The following UAP1 variants were observed in gnomAD, a reference collection of about 807,000 sequenced individuals.
The protein encoded by UAP1 is UDP-N-acetylhexosamine pyrophosphorylase.
In UAP1, 25 loss-of-function variants were observed where a neutral mutation model predicts 58.5. That is an observed-to-expected ratio of 0.43 (90% CI 0.31 to 0.60). UAP1 has a LOEUF of 0.60. Ranked by LOEUF, UAP1 falls within the 20% of genes least tolerant of loss-of-function variation. The pLI is 0.11. For missense variants in UAP1, 575 were observed against 630.0 expected, an observed-to-expected ratio of 0.91 and a Z score of 0.93; for synonymous variants, 208 against 213.0, an observed-to-expected ratio of 0.98 and a Z score of 0.21.
chr1:162,598,867 T>C (rs1378505081), intron 10 of UAP1, among the ~76,000 whole-genome samples: 1 of 152,022 alleles, frequency 6.6e-6, no homozygotes, highest in African/African-American at 2.4e-5. Context: ...ATACAAAAAC[T>C]TAGACGGGTG....
chr1:162,581,487 C>A, intron 5 of UAP1, 28 bp downstream of exon 5: 1 of 1,600,992 alleles, frequency 6.2e-7, no homozygotes, highest in South Asian at 1.1e-5. Context: ...TATGGTGAGG[C>A]TTTTGATGGT....
At chr1:162,595,565 C>T (rs1480646628) in intron 9 of UAP1, among the ~76,000 whole-genome samples, 2 of 152,120 alleles carry the variant, frequency 1.3e-5, no homozygotes, top group Non-Finnish European at 2.9e-5. Context: ...CTTTTCCCTT[C>T]ATTAGTTTGT....
rs149085786 is a variant in UAP1, at chr1:162,575,996, A to G, written c.281-781A>G. Among the ~76,000 whole-genome samples the G allele has an allele frequency of 4.7e-3, 710 of 152,154 alleles. 4 individuals carry two copies. Among genetic ancestry groups the G allele is most frequent in the African/African-American group, 0.016 (666 of 41,514 alleles). Reference sequence around the variant, plus strand: ...CAATTTTATGTTTTAACAAATGTATACTCACGTAGCTACCATCCCAATCAA... The same window carrying G: ...CAATTTTATGTTTTAACAAATGTATGCTCACGTAGCTACCATCCCAATCAA... On this transcript the variant is annotated intron_variant, in intron 2 of 10. Transcript: ENST00000271469.
intron 7 of UAP1, among the ~76,000 whole-genome samples, chr1:162,589,221 T>TA (rs1344270858): frequency 5.2e-4 from 61 of 116,280 alleles, no homozygotes; most frequent in South Asian, 2.6e-3. Context: ...ATATATAATA[T>TA]TTATATATTA....
rs1200744741 is a variant in UAP1 at position 162,597,720 on chromosome 1, T to G, written c.1410-72T>G. 3.2e-6 allele frequency: 4 copies of G among 1,258,900 alleles called. No homozygotes were observed. The African/African-American group carries it at 4.5e-5, about 14-fold the overall frequency. 78.0% of individuals were successfully genotyped at this position (1,258,900 alleles called of 1,614,324 possible). On this transcript the variant is annotated intron_variant, in intron 9 of 10. Transcript: ENST00000271469. ...CTGCAAGCTTCTCAGAGGAAAGTTA[T>G]GGTTTGTACTTTTGCTCTGGCAAGT...
chr1:162,588,822 C>G (rs1380346871), exon 7 of UAP1: 2 of 1,611,500 alleles, frequency 1.2e-6, no homozygotes, highest in Admixed American at 3.4e-5. Flanking sequence ...TTGACATCTT[C>G]CAGTTTGCAA....
chr1:162,566,412 G>C (rs756030474), intron 2 of UAP1, 64 bp downstream of exon 2: 26 of 1,492,064 alleles, frequency 1.7e-5, no homozygotes, highest in Non-Finnish European at 1.9e-5. Flanking sequence ...TGTTCAGGTA[G>C]CTGGATCATG....
chr1:162,568,560 A>G (rs1394825637), intron 2 of UAP1, among the ~76,000 whole-genome samples: 1 of 152,244 alleles, frequency 6.6e-6, no homozygotes, highest in Non-Finnish European at 1.5e-5. Context: ...GCTTGGTAGT[A>G]GCTAACCTAG....
At chr1:162,595,797 T>TA (rs753351550) in intron 9 of UAP1, among the ~76,000 whole-genome samples, 2 of 152,192 alleles carry the variant, frequency 1.3e-5, no homozygotes, top group Non-Finnish European at 2.9e-5. Flanking sequence ...TAGCAATAAT[T>TA]ACTCTGGGAG....
chr1:162,578,964 A>G (rs2101779268), intron 3 of UAP1, among the ~76,000 whole-genome samples: 1 of 152,302 alleles, frequency 6.6e-6, no homozygotes, highest in Non-Finnish European at 1.5e-5. Flanking sequence ...GTGACAACAG[A>G]AAGTATAATT....
intron 5 of UAP1, among the ~76,000 whole-genome samples, chr1:162,581,961 G>A (rs1457589448): frequency 6.6e-6 from 1 of 152,156 alleles, no homozygotes; most frequent in Non-Finnish European, 1.5e-5. Context: ...CACACAGACT[G>A]ATACTAAGTT....
chr1:162,591,422 AAAG>A (rs768478370), intron 8 of UAP1, among the ~76,000 whole-genome samples: 15 of 152,214 alleles, frequency 9.9e-5, no homozygotes, highest in Non-Finnish European at 1.8e-4. Flanking sequence ...GAAGTTAAAA[AAAG>A]AAGGTATTGT....
rs1321547062 is a variant in UAP1 at position 162,587,598 on chromosome 1, C to T, written c.958C>T (p.Arg320Ter). 3 of 1,614,088 alleles carry T rather than the reference C, an allele frequency of 1.9e-6. No homozygotes were observed. The highest frequency in any genetic ancestry group is 2.2e-5 in the South Asian group (2 of 91,078). ...AGCTCAAAAACGAAGCTCAGACGGA[C>T]GACTGCTGTTCAATGCGGGGAACAT... Residue 320 changes from arginine (R) to a stop codon, truncating the protein, a stop_gained, in exon 6 of 11, where the codon CGA (arginine) becomes TGA (stop). Coordinates refer to ENST00000271469, the Ensembl canonical transcript of UAP1. LOFTEE classifies it high-confidence loss of function.
At chr1:162,600,292 T>C (rs1655855180), downstream of UAP1, among the ~76,000 whole-genome samples, 1 of 152,202 alleles carries the variant, frequency 6.6e-6, no homozygotes, top group Admixed American at 6.5e-5. Flanking sequence ...TTCAAAAGAA[T>C]GTAGTTTCTG....
At chr1:162,576,929 A>C (rs1224622180) in exon 3 of UAP1, 1 of 1,614,208 alleles carries the variant, frequency 6.2e-7, no homozygotes, top group Admixed American at 1.7e-5. Context: ...GCGTATCCTG[A>C]AGCTACAGCA....
At chr1:162,577,919 T>C (rs957759161) in intron 3 of UAP1, among the ~76,000 whole-genome samples, 1 of 151,860 alleles carries the variant, frequency 6.6e-6, no homozygotes, top group Non-Finnish European at 1.5e-5. Flanking sequence ...TATTTTTTTT[T>C]GTTTTTTTTA....
Position 162,588,896 on chromosome 1 carries a change from T to A in UAP1, c.1169+63T>A, listed in dbSNP as rs1655080995. On this transcript the variant is annotated intron_variant, in intron 7 of 10. Transcript: ENST00000271469. ...TCTTAAAATGCTGCTTTTCACTCTC[T>A]TAGGCATGAAACTGTTTTCAGGAAA... 2.7e-6 allele frequency: 4 copies of A among 1,497,508 alleles called. No individual in the cohort carries two copies. In the Admixed American group the frequency reaches 9.1e-5, roughly 34 times the overall value. The allele number at this position is 1,497,508 out of a possible 1,614,324, so 92.8% of individuals were successfully genotyped here. A position where few individuals can be genotyped will look rare whatever the true frequency, so the allele number is the denominator to read the frequency against.
intron 7 of UAP1, among the ~76,000 whole-genome samples, chr1:162,589,168 TA>T (rs1557977459): frequency 1.7e-4 from 18 of 104,354 alleles, no homozygotes; most frequent in Non-Finnish European, 2.9e-4. Flanking sequence ...ATATATAATA[TA>T]TAAATATTAT....
rs190471954 is a variant in UAP1 at position 162,571,397 on chromosome 1, G to C, written c.280+5049G>C. 4.3e-3 allele frequency among the ~76,000 whole-genome samples: 648 copies of C among 152,190 alleles called. 1 individual carries two copies. The highest frequency in any genetic ancestry group is 7.1e-3 in the Non-Finnish European group (482 of 67,992). ...TGCCTGCCTTGGCCTCCCAAGTGCT[G>C]GAATTACAGGTGTGAGCCACTGCAC... On this transcript the variant is annotated intron_variant, in intron 2 of 10. Transcript: ENST00000271469.
Sources: gnomAD v4.1 joint callset for allele counts (sites outside exome capture counted in the v4.1 genomes callset) on GRCh38, gnomAD v4.1.1 for gene constraint, MANE v1.5 for transcripts, NCBI Gene and HGNC (gene_info 2026-07-23, HGNC 2026-07-21) for gene names.